TNRC6A: variants seen among roughly 807,000 people sequenced by gnomAD.
TNRC6A encodes trinucleotide repeat-containing gene 6A protein.
Under a neutral mutation model 221.2 loss-of-function variants are expected in TNRC6A, and 44 were observed. That is an observed-to-expected ratio of 0.20 (90% CI 0.16 to 0.26). TNRC6A has a LOEUF of 0.26. Ranked by LOEUF, TNRC6A falls within the 10% of genes least tolerant of loss-of-function variation. TNRC6A has a pLI of 1.00. For synonymous variants in TNRC6A, 847 were observed against 838.5 expected (o/e 1.01, Z -0.18); for missense variants, 2,199 against 2,404.4 (o/e 0.91, Z 1.79).
intron 2 of TNRC6A, among the ~76,000 whole-genome samples, chr16:24,698,472 T>C (rs1337886985): frequency 1.3e-5 from 2 of 151,890 alleles, no homozygotes; most frequent in Non-Finnish European, 2.9e-5. Context: ...CGCTTGGAGA[T>C]ATATTAAACA....
At chr16:24,798,528 G>A (rs1199482285) in intron 11 of TNRC6A, among the ~76,000 whole-genome samples, 2 of 152,176 alleles carry the variant, frequency 1.3e-5, no homozygotes, top group Non-Finnish European at 2.9e-5. Context: ...ATTGAAAATA[G>A]GATAGAAAAC....
At chr16:24,620,356 G>T (rs921431162) in intron 1 of TNRC6A, among the ~76,000 whole-genome samples, 16 of 152,296 alleles carry the variant, frequency 1.1e-4, no homozygotes, top group Middle Eastern at 3.4e-3. Context: ...ACATGGGAAG[G>T]TCTCAGTAGA....
At chr16:24,791,906 AG>A in intron 6 of TNRC6A, 89 bp downstream of exon 6, 1 of 1,344,702 alleles carries the variant, frequency 7.4e-7, no homozygotes, top group African/African-American at 1.5e-5. Flanking sequence ...ATGCACACAA[AG>A]GCTGTTCTTA....
chr16:24,779,530 C>T (rs764500763), intron 5 of TNRC6A, among the ~76,000 whole-genome samples: 14 of 152,158 alleles, frequency 9.2e-5, no homozygotes, highest in Non-Finnish European at 1.3e-4. Context: ...AGTTAGGTAT[C>T]TCCAGCTCCT....
intron 1 of TNRC6A, among the ~76,000 whole-genome samples, chr16:24,636,947 A>G (rs1192531618): frequency 6.6e-6 from 1 of 152,214 alleles, no homozygotes; most frequent in African/African-American, 2.4e-5. Context: ...TGGTATAGAT[A>G]TTACAGTAAG....
Position 24,790,886 on chromosome 16 carries a change from T to C in TNRC6A, c.2244T>C (p.Asn748=). ...TSPRGERKTD[N]GTEAWGSSAT... is the part of the protein sequence containing the mutation. ...CTAGAGGGGAACGAAAGACTGACAA[T>C]GGGACAGAGGCCTGGGGAAGCTCTG... Residue 748 remains asparagine (N), a synonymous_variant, in exon 6 of 25, where the codon AAT becomes AAC. Transcript: ENST00000395799. The C allele has an allele frequency of 6.2e-7, 1 of 1,614,080 alleles. No individual in the cohort carries two copies. The highest frequency in any genetic ancestry group is 8.5e-7 in the Non-Finnish European group (1 of 1,180,030).
chr16:24,720,763 C>T (rs938955164), intron 2 of TNRC6A, among the ~76,000 whole-genome samples: 3 of 147,714 alleles, frequency 2.0e-5, no homozygotes, highest in African/African-American at 7.5e-5. Context: ...GGGCTGGGCT[C>T]AGTGGCTCAC....
chr16:24,719,207 C>CA (rs1179792221), intron 2 of TNRC6A, among the ~76,000 whole-genome samples: 1 of 151,880 alleles, frequency 6.6e-6, no homozygotes, highest in African/African-American at 2.4e-5. Flanking sequence ...CTGGCGCTTA[C>CA]AAAAAAATCA....
chr16:24,736,238 T>C (rs1295003143), intron 2 of TNRC6A, among the ~76,000 whole-genome samples: 1 of 152,216 alleles, frequency 6.6e-6, no homozygotes, highest in Non-Finnish European at 1.5e-5. Flanking sequence ...CCTGTATCTC[T>C]TTACCTAGTT....
chr16:24,632,310 C>T (rs1157642111), intron 1 of TNRC6A, among the ~76,000 whole-genome samples: 1 of 152,132 alleles, frequency 6.6e-6, no homozygotes, highest in Non-Finnish European at 1.5e-5. Flanking sequence ...TTGATTTCCC[C>T]TCAAAACAAA....
upstream of TNRC6A, among the ~76,000 whole-genome samples, chr16:24,728,224 G>A (rs1352236101): frequency 1.3e-5 from 2 of 152,104 alleles, no homozygotes; most frequent in Non-Finnish European, 2.9e-5. Context: ...CGAGGGGGGC[G>A]ATCACCTGAG....
chr16:24,806,443 G>A (rs940135173), intron 16 of TNRC6A, 131 bp from the exon 17 acceptor site: 5 of 1,357,854 alleles, frequency 3.7e-6, no homozygotes, highest in Admixed American at 4.0e-5. Flanking sequence ...CATGAGTTAT[G>A]TGAACATTAT....
At chr16:24,796,086 T>A in intron 9 of TNRC6A, 147 bp downstream of exon 9, 1 of 808,756 alleles carries the variant, frequency 1.2e-6, no homozygotes, top group South Asian at 1.8e-5. Context: ...GAGTTTCACC[T>A]TTCGGGAGCT....
chr16:24,661,408 CTTTGTTTTGT>C (rs555570540), intron 2 of TNRC6A: 6 of 151,606 alleles, frequency 4.0e-5, no homozygotes, highest in Non-Finnish European at 7.4e-5. Context: ...CTTTAAATTG[CTTTGTTTTGT>C]TTTGTTTTGT....
intron 4 of TNRC6A, among the ~76,000 whole-genome samples, chr16:24,762,659 A>C (rs191997302): frequency 6.6e-6 from 1 of 152,320 alleles, no homozygotes; most frequent in East Asian, 1.9e-4. Flanking sequence ...TTTACGTTTA[A>C]TCCTCTCAGC....
intron 5 of TNRC6A, among the ~76,000 whole-genome samples, chr16:24,780,701 TGTATGA>T (rs886726385): frequency 7.2e-5 from 11 of 152,098 alleles, no homozygotes; most frequent in Admixed American, 2.6e-4. Context: ...TTTCTTAAGG[TGTATGA>T]GTATATTTTA....
chr16:24,638,055 C>T (rs1901730727), intron 1 of TNRC6A, among the ~76,000 whole-genome samples: 1 of 152,202 alleles, frequency 6.6e-6, no homozygotes, highest in South Asian at 2.1e-4. Context: ...AAAGTGCTGG[C>T]ATTACAGGCG....
chr16:24,735,797 A>G (rs990426396), intron 2 of TNRC6A, among the ~76,000 whole-genome samples: 2 of 152,230 alleles, frequency 1.3e-5, no homozygotes, highest in Non-Finnish European at 2.9e-5. Flanking sequence ...GGTATGCGTT[A>G]TATGTATTCT....
intron 2 of TNRC6A, among the ~76,000 whole-genome samples, chr16:24,652,464 T>A (rs913057232): frequency 6.6e-6 from 1 of 152,218 alleles, no homozygotes; most frequent in African/African-American, 2.4e-5. Flanking sequence ...ACCAGTGTTT[T>A]GGCTAATATC....
Sources: gnomAD v4.1 joint callset for allele counts (sites outside exome capture counted in the v4.1 genomes callset) on GRCh38, gnomAD v4.1.1 for gene constraint, MANE v1.5 for transcripts, NCBI Gene and HGNC (gene_info 2026-07-23, HGNC 2026-07-21) for gene names.